The following SPTBN1 variants were observed in gnomAD, a reference collection of about 807,000 sequenced individuals.
SPTBN1 encodes the protein spectrin beta chain, non-erythrocytic 1.
A neutral mutation model predicts 266.4 loss-of-function variants in SPTBN1; 32 were observed. That is an observed-to-expected ratio of 0.12 (90% CI 0.09 to 0.16). SPTBN1 has a LOEUF of 0.16. SPTBN1 is among the 10% of genes least tolerant of loss of function. The pLI is 1.00. For missense variants in SPTBN1, 2,296 were observed against 3,067.1 expected (o/e 0.75, Z 5.94); for synonymous variants, 1,336 against 1,162.2 (o/e 1.15, Z -3.04).
intron 1 of SPTBN1, among the ~76,000 whole-genome samples, chr2:54,525,194 T>C (rs1670725429): frequency 1.3e-5 from 2 of 152,218 alleles, no homozygotes; most frequent in Non-Finnish European, 2.9e-5. Flanking sequence ...AGCAAGCGTG[T>C]ATTGAGCATC....
intron 2 of SPTBN1, among the ~76,000 whole-genome samples, chr2:54,586,302 A>C (rs769112558): frequency 1.3e-5 from 2 of 152,248 alleles, no homozygotes; most frequent in Non-Finnish European, 2.9e-5. Flanking sequence ...ACAATGGGTT[A>C]TGGTCACTGG....
Position 54,623,491 on chromosome 2 carries a change from G to C in SPTBN1, c.1077G>C (p.Lys359Asn). ...TVEKPPKFTE[K>N]GNLEVLLFTI... ...CCCCTGTGTTTAGATTTACTGAGAA[G>C]GGGAACTTGGAAGTGCTGCTCTTCA... Residue 359 changes from lysine (K) to asparagine (N), a missense_variant, in exon 10 of 36, where the codon AAG (lysine) becomes AAC (asparagine). Lys to Asn is a moderately conservative substitution (Grantham distance 94, BLOSUM62 0). This residue lies in a region of SPTBN1 where 148 missense variants were observed against 203.8 expected (regional missense o/e 0.73). Coordinates refer to ENST00000356805, the MANE Select transcript of SPTBN1 (RefSeq NM_003128.3). The C allele has an allele frequency of 6.2e-7, 1 of 1,614,124 alleles. No individual in the cohort carries two copies. The highest frequency in any genetic ancestry group is 8.5e-7 in the Non-Finnish European group (1 of 1,179,996).
chr2:54,597,546 C>CA (rs1405111463), intron 2 of SPTBN1, among the ~76,000 whole-genome samples: 1 of 152,184 alleles, frequency 6.6e-6, no homozygotes, highest in Non-Finnish European at 1.5e-5. Context: ...GGCAGGACCT[C>CA]AAGGAGCCGC....
rs759344159 is a variant in SPTBN1, at chr2:54,649,100, C to T, written c.5112C>T (p.Asn1704=). Residue 1704 remains asparagine (N), a synonymous_variant, in exon 25 of 36, where the codon AAC becomes AAT. Coordinates refer to ENST00000356805, the MANE Select transcript of SPTBN1 (RefSeq NM_003128.3). The surrounding 1 kb of genome is among the most constrained non-coding windows in gnomAD (Gnocchi z 6.7). The part of the protein sequence containing the change: ...LDERHRLFQL[N]REVDDLEQWI... ...AGAGACACAGGTTATTCCAGCTCAA[C>T]CGGGAGGTGGACGACCTGGAGCAGT... 11 of 1,614,006 alleles carry T rather than the reference C, an allele frequency of 6.8e-6. No individual in the cohort carries two copies. The highest frequency in any genetic ancestry group is 9.3e-6 in the Non-Finnish European group (11 of 1,180,004).
At chr2:54,559,692 C>A (rs969665866) in intron 2 of SPTBN1, among the ~76,000 whole-genome samples, 7 of 152,172 alleles carry the variant, frequency 4.6e-5, no homozygotes, top group African/African-American at 1.7e-4. Context: ...AGAGCTTATA[C>A]ATGAAAAAAG....
intron 2 of SPTBN1, among the ~76,000 whole-genome samples, chr2:54,594,884 G>T (rs1675961269): frequency 7.7e-6 from 1 of 129,464 alleles, no homozygotes; most frequent in Non-Finnish European, 1.5e-5. Flanking sequence ...GCCAAGGCTG[G>T]AGTGCAATGG....
chr2:54,586,528 C>G (rs1156634062), intron 2 of SPTBN1, among the ~76,000 whole-genome samples: 1 of 152,168 alleles, frequency 6.6e-6, no homozygotes, highest in Non-Finnish European at 1.5e-5. Flanking sequence ...TTTATACATT[C>G]TGTATAGTCT....
chr2:54,522,003 T>A (rs1670470678), intron 1 of SPTBN1, among the ~76,000 whole-genome samples: 1 of 151,848 alleles, frequency 6.6e-6, no homozygotes, highest in Non-Finnish European at 1.5e-5. Flanking sequence ...GCTCGAGTGG[T>A]CCTCCTACCT....
intron 4 of SPTBN1, among the ~76,000 whole-genome samples, chr2:54,614,136 C>A (rs570351920): frequency 6.6e-6 from 1 of 152,208 alleles, no homozygotes; most frequent in African/African-American, 2.4e-5. Flanking sequence ...CTGATGTTAC[C>A]GCGTGGCCTG....
rs191439789 is a variant in SPTBN1 at position 54,512,955 on chromosome 2, T to G, written c.-47-13417T>G. Among the ~76,000 whole-genome samples the G allele has an allele frequency of 1.1e-3, 161 of 152,306 alleles. 1 individual carries two copies. Among genetic ancestry groups the G allele is most frequent in the African/African-American group, 3.4e-3 (141 of 41,572 alleles). On this transcript the variant is annotated intron_variant, in intron 1 of 35. Transcript: ENST00000356805. ...GGCTTAGGCATGTAATCCCAGACTT[T>G]GGGAGGCTGAGGCGGGCAGATCACT...
chr2:54,635,013 C>G (rs1679022300), intron 17 of SPTBN1, among the ~76,000 whole-genome samples: 1 of 152,210 alleles, frequency 6.6e-6, no homozygotes, highest in Admixed American at 6.5e-5. Context: ...CTGTCTCACA[C>G]CGGAAAACAG....
intron 1 of SPTBN1, among the ~76,000 whole-genome samples, chr2:54,489,430 G>A (rs1262678345): frequency 6.6e-6 from 1 of 152,202 alleles, no homozygotes; most frequent in Non-Finnish European, 1.5e-5. Flanking sequence ...GCCGGATGTG[G>A]TGGCTCACAC....
chr2:54,536,878 A>C (rs1316166062), intron 2 of SPTBN1, among the ~76,000 whole-genome samples: 1 of 151,924 alleles, frequency 6.6e-6, no homozygotes, highest in Non-Finnish European at 1.5e-5. Flanking sequence ...TGAAAAGTAA[A>C]AAAAATTAGC....
At position 54,632,668 on chromosome 2, in the gene SPTBN1, G is replaced by C; in HGVS notation, c.3667G>C (p.Glu1223Gln). The change falls in exon 17 of 36, where the codon GAG (glutamate) becomes CAG (glutamine). Residue 1223 changes from glutamate (E) to glutamine (Q), a missense_variant. By Grantham distance (29) the Glu-to-Gln change is conservative. Around this residue, in one of 12 missense-constraint regions of SPTBN1, gnomAD observed 386 missense variants for 486.1 expected, o/e 0.79. Coordinates refer to ENST00000356805, the MANE Select transcript of SPTBN1 (RefSeq NM_003128.3). ...CATGACCACCATGGACGCCAATGAG[G>C]AGAAGATCAATGCTGTGGTGGAGAC... is the stretch of plus-strand genomic sequence containing the variant. ...DFMTTMDANE[E>Q]KINAVVETGR... 6.2e-7 allele frequency: 1 copy of C among 1,614,218 alleles called. No individual in the cohort carries two copies. The highest frequency in any genetic ancestry group is 8.5e-7 in the Non-Finnish European group (1 of 1,180,038).
intron 2 of SPTBN1, among the ~76,000 whole-genome samples, chr2:54,552,862 T>C (rs1416363275): frequency 3.3e-5 from 5 of 152,186 alleles, no homozygotes; most frequent in Non-Finnish European, 4.4e-5. Context: ...GTCTCACCCA[T>C]GGTTTTCTAA....
intron 15 of SPTBN1, among the ~76,000 whole-genome samples, chr2:54,630,560 C>T (rs1678661995): frequency 6.6e-6 from 1 of 152,184 alleles, no homozygotes; most frequent in Non-Finnish European, 1.5e-5. Flanking sequence ...TAAAATGTGT[C>T]ACAGACATGA....
chr2:54,642,148 C>T (rs759671245), intron 18 of SPTBN1, among the ~76,000 whole-genome samples: 6 of 152,230 alleles, frequency 3.9e-5, no homozygotes, highest in Non-Finnish European at 7.3e-5. Context: ...ATGGCCCTTA[C>T]AGGCAGGCAG....
chr2:54,541,888 G>A (rs915035996), intron 2 of SPTBN1, among the ~76,000 whole-genome samples: 1 of 152,194 alleles, frequency 6.6e-6, no homozygotes, highest in African/African-American at 2.4e-5. Context: ...ATTTCACAAA[G>A]TAGTGTTTAC....
intron 31 of SPTBN1, among the ~76,000 whole-genome samples, 158 bp downstream of exon 31, chr2:54,659,424 A>G (rs1680889872): frequency 6.6e-6 from 1 of 152,168 alleles, no homozygotes; most frequent in Non-Finnish European, 1.5e-5. Context: ...TTATCCCTAA[A>G]TAACCTTGGA....
Sources: allele counts gnomAD v4.1 joint callset (sites outside exome capture counted in the v4.1 genomes callset), GRCh38; gene constraint gnomAD v4.1.1; regional missense constraint gnomAD v4.1.1; non-coding constraint Gnocchi (gnomAD v3.1); transcripts MANE v1.5; gene names NCBI Gene and HGNC (gene_info 2026-07-23, HGNC 2026-07-21).